The following AFF3 variants were observed in gnomAD, a reference collection of about 807,000 sequenced individuals.
The protein encoded by AFF3 is ALF transcription elongation factor 3, also known as AF4/FMR2 family member 3.
AFF3 carries 32 observed loss-of-function variants against 129.7 expected under a neutral mutation model. That is an observed-to-expected ratio of 0.25 (90% CI 0.19 to 0.33). The LOEUF is 0.33. Ranked by LOEUF, AFF3 falls within the 10% of genes least tolerant of loss-of-function variation. The pLI is 1.00. For synonymous variants in AFF3, 644 were observed against 635.4 expected (o/e 1.01, Z -0.20); for missense variants, 1,373 against 1,592.0 (o/e 0.86, Z 2.34).
rs571887023 is a variant in AFF3 at position 99,820,722 on chromosome 2, C to T, written c.921+16755G>A. 4.1e-3 allele frequency among the ~76,000 whole-genome samples: 252 copies of T among 61,674 alleles called. 3 individuals carry two copies. The highest frequency in any genetic ancestry group is 9.5e-3 in the African/African-American group (242 of 25,510). The allele number at this position is 61,674 out of a possible 152,430, so 40.5% of individuals were successfully genotyped here. ...CATTGTACAAAAAAGTCTATATCCT[C>T]TTCTGTGACCTTTTTCCTATTTTTA... On this transcript the variant is annotated intron_variant, in intron 8 of 24. Transcript: ENST00000672756.
At chr2:100,105,405 G>A (rs2105507272) in intron 3 of AFF3, 99 bp downstream of exon 3, 4 of 1,305,336 alleles carry the variant, frequency 3.1e-6, no homozygotes, top group African/African-American at 3.0e-5. Context: ...TCTTCCACCC[G>A]GACCTGCTCT....
intron 7 of AFF3, among the ~76,000 whole-genome samples, chr2:100,000,011 T>TGGGATCTGCAAACAGCACCAC (rs1681233128): frequency 6.6e-6 from 1 of 152,168 alleles, no homozygotes; most frequent in Non-Finnish European, 1.5e-5. Context: ...CATGAGTAGC[T>TGGGATCTGCAAACAGCACCAC]ATGGAATGGG....
intron 4 of AFF3, among the ~76,000 whole-genome samples, chr2:100,103,066 C>G (rs957430962): frequency 2.4e-4 from 36 of 151,884 alleles, no homozygotes; most frequent in African/African-American, 8.7e-4. Context: ...GCAAGCTGTA[C>G]TTACTCATCA....
chr2:100,043,536 T>G (rs1230477229), intron 4 of AFF3, among the ~76,000 whole-genome samples: 1 of 152,190 alleles, frequency 6.6e-6, no homozygotes, highest in Non-Finnish European at 1.5e-5. Context: ...ATAGTTTCAC[T>G]GCACTTGAAA....
rs368943527 is a variant in AFF3 at position 100,036,899 on chromosome 2, T to C, written c.54-27967A>G. Among the ~76,000 whole-genome samples, 20 of 149,172 alleles carry C rather than the reference T, an allele frequency of 1.3e-4. No homozygotes were observed. In the East Asian group the frequency reaches 1.6e-3, roughly 12 times the overall value. ...GGAAATACCATTTTTACCTACCAAA[T>C]AGGCAAAGAACTAAAAAGTGTAACC... On this transcript the variant is annotated intron_variant, in intron 4 of 24. Transcript: ENST00000672756.
At chr2:99,720,235 G>C (rs1166500680) in intron 11 of AFF3, among the ~76,000 whole-genome samples, 2 of 152,050 alleles carry the variant, frequency 1.3e-5, no homozygotes, top group Non-Finnish European at 2.9e-5. Context: ...GGTGGTATTG[G>C]GAGCTGGGGC....
intron 1 of AFF3, among the ~76,000 whole-genome samples, chr2:100,131,968 C>T (rs1398189372): frequency 6.6e-6 from 1 of 152,104 alleles, no homozygotes; most frequent in African/African-American, 2.4e-5. Context: ...GGAGTGCCTG[C>T]CTTGAGGGGT....
intron 4 of AFF3, among the ~76,000 whole-genome samples, chr2:100,058,822 T>C (rs1297167777): frequency 6.6e-6 from 1 of 152,148 alleles, no homozygotes; most frequent in African/African-American, 2.4e-5. Context: ...ATTAAAACCA[T>C]TATCAAGAAA....
At chr2:100,012,753 C>T (rs1171248646) in intron 4 of AFF3, among the ~76,000 whole-genome samples, 1 of 152,220 alleles carries the variant, frequency 6.6e-6, no homozygotes, top group Non-Finnish European at 1.5e-5. Context: ...AGGTCAGCTT[C>T]CCCTGGGATG....
chr2:100,108,421 A>T (rs1281473126), intron 2 of AFF3, among the ~76,000 whole-genome samples: 14 of 151,052 alleles, frequency 9.3e-5, no homozygotes, highest in Non-Finnish European at 1.2e-4. Flanking sequence ...GACTGTCATC[A>T]CTCCTCCTAT....
At chr2:99,805,573 A>G (rs1215759947) in intron 8 of AFF3, among the ~76,000 whole-genome samples, 1 of 152,138 alleles carries the variant, frequency 6.6e-6, no homozygotes, top group Admixed American at 6.5e-5. Flanking sequence ...TCATCATGTA[A>G]ACCAGAAGTC....
intron 10 of AFF3, among the ~76,000 whole-genome samples, chr2:99,738,121 T>G (rs903888084): frequency 3.9e-5 from 6 of 152,156 alleles, no homozygotes; most frequent in Non-Finnish European, 7.3e-5. Context: ...AGTCTGATTC[T>G]CCGCTGTCCT....
intron 13 of AFF3, among the ~76,000 whole-genome samples, chr2:99,617,577 A>ATATTC (rs1303267684): frequency 4.6e-5 from 7 of 152,192 alleles, no homozygotes; most frequent in Non-Finnish European, 8.8e-5. Flanking sequence ...GTATATCAGT[A>ATATTC]TATATCTCTG....
intron 12 of AFF3, among the ~76,000 whole-genome samples, chr2:99,666,944 CAAT>C (rs879751677): frequency 4.6e-5 from 7 of 152,160 alleles, no homozygotes; most frequent in Non-Finnish European, 7.4e-5. Context: ...AACAAATCCA[CAAT>C]GACAGCCAGA....
chr2:100,069,310 T>A (rs1329571164), intron 4 of AFF3, among the ~76,000 whole-genome samples: 1 of 152,172 alleles, frequency 6.6e-6, no homozygotes, highest in Non-Finnish European at 1.5e-5. Context: ...ACCCCAGAAC[T>A]TCAAAATCTT....
At chr2:99,631,569 C>T (rs761811493) in intron 13 of AFF3, among the ~76,000 whole-genome samples, 1 of 152,198 alleles carries the variant, frequency 6.6e-6, no homozygotes, top group Non-Finnish European at 1.5e-5. Context: ...AACTGGACTA[C>T]TCCAGATACT....
At chr2:99,940,419 C>T (rs933564974) in intron 7 of AFF3, among the ~76,000 whole-genome samples, 1 of 152,152 alleles carries the variant, frequency 6.6e-6, no homozygotes. Context: ...CAGGAAGAGA[C>T]AGGAGGTCAG....
At chr2:99,662,233 G>A (rs1051424443) in intron 12 of AFF3, among the ~76,000 whole-genome samples, 1 of 152,148 alleles carries the variant, frequency 6.6e-6, no homozygotes, top group African/African-American at 2.4e-5. Context: ...CACTGATTAT[G>A]ATGGGAGGTT....
intron 7 of AFF3, among the ~76,000 whole-genome samples, chr2:99,933,493 C>A (rs936285210): frequency 2.0e-5 from 3 of 151,982 alleles, no homozygotes; most frequent in African/African-American, 7.3e-5. Context: ...CACCTTGCCC[C>A]CCACCCCCCG....
Sources: gnomAD v4.1 joint callset for allele counts (sites outside exome capture counted in the v4.1 genomes callset) on GRCh38, gnomAD v4.1.1 for gene constraint, MANE v1.5 for transcripts, NCBI Gene and HGNC (gene_info 2026-07-23, HGNC 2026-07-21) for gene names.